SHLD1: variants seen among roughly 807,000 people sequenced by gnomAD.
The protein encoded by SHLD1 is shieldin complex subunit 1.
A neutral mutation model predicts 5.5 loss-of-function variants in SHLD1; 3 were observed. The ratio of observed to expected loss-of-function variants is 0.54; its 90% CI spans 0.25 to 1.40. The LOEUF (loss-of-function observed/expected upper bound fraction) is 1.40. Ranked by LOEUF, SHLD1 falls within the 40% of genes most tolerant of loss-of-function variation. The pLI, the probability that SHLD1 is intolerant of heterozygous loss-of-function variation, is 0.15. For synonymous variants in SHLD1, 92 were observed against 94.3 expected (o/e 0.98, Z 0.14); for missense variants, 210 against 244.4 (o/e 0.86, Z 0.94).
chr20:5,863,196 C>T lies in SHLD1; in HGVS notation c.351C>T (p.Leu117=), dbSNP rs748298307. 5.0e-6 allele frequency: 8 copies of T among 1,614,180 alleles called. No individual in the cohort carries two copies. In the South Asian group the frequency reaches 8.8e-5, roughly 18 times the overall value. The part of the protein sequence containing the change: ...GHPQPGSANS[L]SASVCKCLSQ... Reference sequence around the variant, plus strand: ...CACAGCCAGGCTCTGCAAACTCACTCTCTGCATCTGTCTGCAAGTGCCTGT... The same window carrying T: ...CACAGCCAGGCTCTGCAAACTCACTTTCTGCATCTGTCTGCAAGTGCCTGT... The change falls in exon 3 of 3, where the codon CTC becomes CTT. Residue 117 remains leucine, a synonymous_variant. Transcript: ENST00000303142.
chr20:5,779,151 A>G (rs1985574023), intron 2 of SHLD1, among the ~76,000 whole-genome samples: 1 of 151,942 alleles, frequency 6.6e-6, no homozygotes, highest in Non-Finnish European at 1.5e-5. Flanking sequence ...GCAGTGAGCC[A>G]AGATGACACT....
Position 5,864,395 on chromosome 20 carries a change from A to G in SHLD1, c.*932A>G, listed in dbSNP as rs2088201394. On this transcript the variant is annotated 3_prime_UTR_variant, in exon 3 of 3. Transcript: ENST00000303142. ...GAAGAGAATAAATAATCCTTTGCCC[A>G]GGTGGGGCCCTACTTTCTCTTGTCT... Among the ~76,000 whole-genome samples, 1 of 152,192 alleles carries G rather than the reference A, an allele frequency of 6.6e-6. No individual in the cohort carries two copies. Among genetic ancestry groups the G allele is most frequent in the African/African-American group, 2.4e-5 (1 of 41,460 alleles).
At chr20:5,857,007 A>T (rs1568533992) in intron 2 of SHLD1, among the ~76,000 whole-genome samples, 1 of 152,164 alleles carries the variant, frequency 6.6e-6, no homozygotes, top group Admixed American at 6.5e-5. Flanking sequence ...GTTGAAACAG[A>T]GTCTCACTCT....
At chr20:5,830,075 A>G (rs553718900) in intron 2 of SHLD1, among the ~76,000 whole-genome samples, 37 of 152,186 alleles carry the variant, frequency 2.4e-4, no homozygotes, top group Non-Finnish European at 4.4e-4. Context: ...TGTTATACCT[A>G]TTTGCAGTTT....
At chr20:5,826,302 G>T (rs2087664593) in intron 2 of SHLD1, among the ~76,000 whole-genome samples, 1 of 152,050 alleles carries the variant, frequency 6.6e-6, no homozygotes, top group South Asian at 2.1e-4. Context: ...TATTGAAATA[G>T]CTATTTATAT....
At position 5,832,836 on chromosome 20, in the gene SHLD1, T is replaced by C. The variant is rs189601469; in HGVS notation, c.179-30188T>C. ...ATAAATAAATAAATAAATAAATAAA[T>C]AAATAAATAAATGGGGAAAAAAGCA... On this transcript the variant is annotated intron_variant, in intron 2 of 2. Transcript: ENST00000303142. Among the ~76,000 whole-genome samples, 314 of 144,952 alleles carry C rather than the reference T, an allele frequency of 2.2e-3. 2 individuals are homozygous for C. Among genetic ancestry groups the C allele is most frequent in the South Asian group, 7.5e-3 (36 of 4,776 alleles).
chr20:5,795,070 C>A (rs1327542227), intron 2 of SHLD1, among the ~76,000 whole-genome samples: 1 of 150,534 alleles, frequency 6.6e-6, no homozygotes, highest in Non-Finnish European at 1.5e-5. Context: ...GAAACTCTGT[C>A]TCTACTAAAA....
intron 2 of SHLD1, among the ~76,000 whole-genome samples, chr20:5,802,173 C>A (rs150203486): frequency 6.6e-6 from 1 of 152,298 alleles, no homozygotes; most frequent in East Asian, 1.9e-4. Flanking sequence ...AAAGCATGTC[C>A]AGATCCCAAC....
chr20:5,822,327 C>T (rs1466058918), intron 2 of SHLD1, among the ~76,000 whole-genome samples: 2 of 151,992 alleles, frequency 1.3e-5, no homozygotes, highest in African/African-American at 2.4e-5. Flanking sequence ...GGCGTGGTGA[C>T]GGGTGCCTGT....
intron 1 of SHLD1, among the ~76,000 whole-genome samples, chr20:5,767,540 T>C (rs1262368517): frequency 6.6e-6 from 1 of 152,226 alleles, no homozygotes; most frequent in Non-Finnish European, 1.5e-5. Flanking sequence ...CTCATTCATG[T>C]GCTCTTCCTT....
chr20:5,816,442 A>C (rs73596815), intron 2 of SHLD1, among the ~76,000 whole-genome samples: 2,439 of 152,294 alleles, frequency 0.016, 62 homozygotes, highest in African/African-American at 0.055. Context: ...TGAATGAATA[A>C]ATTTGGGTGC....
chr20:5,803,748 T>C (rs1284610204), intron 2 of SHLD1, among the ~76,000 whole-genome samples: 1 of 151,738 alleles, frequency 6.6e-6, no homozygotes, highest in African/African-American at 2.4e-5. Context: ...GGCACACACC[T>C]GTAGTCCCAG....
intron 1 of SHLD1, 24 bp downstream of exon 1, chr20:5,750,503 G>GGGT (rs1339482620): frequency 7.0e-6 from 1 of 143,798 alleles, no homozygotes; most frequent in Non-Finnish European, 1.5e-5. Flanking sequence ...GGGATGGGGG[G>GGGT]GGGTTGGAGT....
chr20:5,761,611 CT>C (rs5840103), intron 1 of SHLD1, among the ~76,000 whole-genome samples: 67 of 139,538 alleles, frequency 4.8e-4, no homozygotes, highest in South Asian at 3.0e-3. Context: ...GTCTTAATTT[CT>C]TTTTTTTTTT....
chr20:5,849,243 C>G (rs1051841281), intron 2 of SHLD1, among the ~76,000 whole-genome samples: 1 of 152,172 alleles, frequency 6.6e-6, no homozygotes, highest in Non-Finnish European at 1.5e-5. Context: ...AAAAGCCAGA[C>G]TAAACCAGAA....
chr20:5,767,198 A>G (rs1384050346), intron 1 of SHLD1, among the ~76,000 whole-genome samples: 2 of 152,046 alleles, frequency 1.3e-5, no homozygotes, highest in Non-Finnish European at 2.9e-5. Flanking sequence ...GCAGTGGCAC[A>G]ATCTCGCATC....
chr20:5,796,946 T>G (rs1045543654), intron 2 of SHLD1, among the ~76,000 whole-genome samples: 1 of 152,090 alleles, frequency 6.6e-6, no homozygotes, highest in Non-Finnish European at 1.5e-5. Flanking sequence ...AACTCAACCT[T>G]CAACAGGCAT....
chr20:5,813,822 C>T (rs2087491552), intron 2 of SHLD1, among the ~76,000 whole-genome samples: 1 of 151,754 alleles, frequency 6.6e-6, no homozygotes, highest in South Asian at 2.1e-4. Context: ...GAAATAGTAA[C>T]ATACTTATGG....
chr20:5,752,408 A>C (rs1481576069), intron 1 of SHLD1, among the ~76,000 whole-genome samples: 2 of 147,696 alleles, frequency 1.4e-5, no homozygotes, highest in African/African-American at 2.6e-5. Flanking sequence ...AAAAAAAAAA[A>C]ACAAAAAAGA....
Sources: gnomAD v4.1 joint callset for allele counts (sites outside exome capture counted in the v4.1 genomes callset) on GRCh38, gnomAD v4.1.1 for gene constraint, MANE v1.5 for transcripts, NCBI Gene and HGNC (gene_info 2026-07-23, HGNC 2026-07-21) for gene names.